Variants in STXBP5L observed in about 807,000 individuals in gnomAD.
STXBP5L encodes syntaxin binding protein 5L, also known as syntaxin-binding protein 5-like.
In STXBP5L, 65 loss-of-function variants were observed where a neutral mutation model predicts 144.5. The ratio of observed to expected loss-of-function variants is 0.45; its 90% CI spans 0.37 to 0.55. STXBP5L has a LOEUF of 0.55. Ranked by LOEUF, STXBP5L falls within the 20% of genes least tolerant of loss-of-function variation. STXBP5L has a pLI of 0.00. For synonymous variants in STXBP5L, 505 were observed against 469.6 expected, an observed-to-expected ratio of 1.08 and a Z score of -0.97; for missense variants, 1,298 against 1,405.5, an observed-to-expected ratio of 0.92 and a Z score of 1.22.
Position 121,017,678 on chromosome 3 carries a change from C to T in STXBP5L, c.288-24022C>T, listed in dbSNP as rs540988694. On this transcript the variant is annotated intron_variant, in intron 3 of 26. Transcript: ENST00000471454. ...AAAAACACAGTACCATTTACATTGG[C>T]ATCTAAAATAACTGAAATACTTATA... is the stretch of plus-strand genomic sequence containing the variant. 4.6e-5 allele frequency among the ~76,000 whole-genome samples: 7 copies of T among 152,254 alleles called. No homozygotes were observed. The South Asian group carries it at 1.5e-3, about 32-fold the overall frequency.
At chr3:121,245,103 TA>T (rs1300284108) in intron 14 of STXBP5L, among the ~76,000 whole-genome samples, 1 of 152,052 alleles carries the variant, frequency 6.6e-6, no homozygotes, top group African/African-American at 2.4e-5. Context: ...AATAACAACA[TA>T]AAAATTACTA....
chr3:121,084,347 G>C (rs2042388857), intron 5 of STXBP5L, among the ~76,000 whole-genome samples: 1 of 152,038 alleles, frequency 6.6e-6, no homozygotes, highest in African/African-American at 2.4e-5. Context: ...TATTTATCCT[G>C]ATGCTCTCCC....
intron 24 of STXBP5L, among the ~76,000 whole-genome samples, chr3:121,415,186 C>T (rs2047204874): frequency 6.6e-6 from 1 of 152,066 alleles, no homozygotes; most frequent in Non-Finnish European, 1.5e-5. Context: ...CTTTGGTCTG[C>T]TTTAGAAAAA....
intron 3 of STXBP5L, among the ~76,000 whole-genome samples, chr3:120,990,687 C>G (rs953745582): frequency 1.3e-5 from 2 of 152,170 alleles, no homozygotes; most frequent in Non-Finnish European, 2.9e-5. Context: ...ATATTTACAA[C>G]TATCTGATCT....
chr3:121,406,315 A>C (rs1259907532), intron 22 of STXBP5L, among the ~76,000 whole-genome samples: 1 of 152,078 alleles, frequency 6.6e-6, no homozygotes, highest in Admixed American at 6.6e-5. Flanking sequence ...TACTTTCTAA[A>C]TGAATATACT....
At chr3:121,413,462 T>C (rs2047165611) in intron 24 of STXBP5L, 139 bp downstream of exon 24, 1 of 725,792 alleles carries the variant, frequency 1.4e-6, no homozygotes, top group Non-Finnish European at 2.0e-6. Context: ...ATATTCTTCA[T>C]TTTGAGCCTA....
chr3:121,185,697 A>C (rs1032567841), intron 9 of STXBP5L, among the ~76,000 whole-genome samples: 1 of 152,164 alleles, frequency 6.6e-6, no homozygotes, highest in Non-Finnish European at 1.5e-5. Context: ...TTTGGTTACT[A>C]TAGCCTTGTA....
At chr3:121,387,531 G>A (rs1159652546) in intron 22 of STXBP5L, among the ~76,000 whole-genome samples, 1 of 152,140 alleles carries the variant, frequency 6.6e-6, no homozygotes, top group Non-Finnish European at 1.5e-5. Context: ...GGTTTTTATG[G>A]TTTTAGGTTT....
intron 3 of STXBP5L, among the ~76,000 whole-genome samples, chr3:121,007,191 A>C (rs1944393926): frequency 1.3e-5 from 2 of 152,136 alleles, no homozygotes; most frequent in African/African-American, 2.4e-5. Context: ...AAACTACATT[A>C]ATTTTGAATA....
chr3:121,302,953 T>C (rs1176086303), intron 19 of STXBP5L, among the ~76,000 whole-genome samples: 1 of 152,142 alleles, frequency 6.6e-6, no homozygotes, highest in Admixed American at 6.6e-5. Context: ...GGCAATACCA[T>C]TCAGGATATA....
intron 18 of STXBP5L, among the ~76,000 whole-genome samples, chr3:121,262,534 A>T (rs1438733862): frequency 6.6e-6 from 1 of 152,128 alleles, no homozygotes; most frequent in Non-Finnish European, 1.5e-5. Context: ...GGATACTGAG[A>T]ATCGCTTGAA....
At chr3:121,190,626 G>A (rs1317361851) in intron 9 of STXBP5L, among the ~76,000 whole-genome samples, 1 of 150,206 alleles carries the variant, frequency 6.7e-6, no homozygotes, top group Non-Finnish European at 1.5e-5. Context: ...CCCAGACGGG[G>A]CAGCCAGGCA....
At chr3:121,158,847 A>T (rs2108009496) in intron 9 of STXBP5L, 1 of 152,272 alleles carries the variant, frequency 6.6e-6, no homozygotes, top group South Asian at 2.1e-4. Flanking sequence ...TCTTTTGGCT[A>T]GACTGGACAT....
At chr3:120,932,233 G>A (rs1270501081) in intron 2 of STXBP5L, among the ~76,000 whole-genome samples, 1 of 152,102 alleles carries the variant, frequency 6.6e-6, no homozygotes, top group Non-Finnish European at 1.5e-5. Flanking sequence ...GCACATGATG[G>A]TATGAACTTG....
At chr3:121,190,568 G>C (rs1488388842) in intron 9 of STXBP5L, among the ~76,000 whole-genome samples, 2 of 152,172 alleles carry the variant, frequency 1.3e-5, no homozygotes, top group South Asian at 4.1e-4. Flanking sequence ...GAGCTGTTGG[G>C]TACACCTCCC....
intron 20 of STXBP5L, among the ~76,000 whole-genome samples, chr3:121,345,717 G>C (rs1168610644): frequency 6.6e-6 from 1 of 151,952 alleles, no homozygotes; most frequent in Non-Finnish European, 1.5e-5. Context: ...GGCATGAGAT[G>C]GTATCTCATT....
At chr3:121,014,255 T>C (rs2108157292) in intron 3 of STXBP5L, among the ~76,000 whole-genome samples, 1 of 152,212 alleles carries the variant, frequency 6.6e-6, no homozygotes, top group East Asian at 1.9e-4. Context: ...ATATTAATTC[T>C]TCCAATCCAT....
At chr3:121,174,842 T>C (rs893407075) in intron 9 of STXBP5L, among the ~76,000 whole-genome samples, 1 of 152,070 alleles carries the variant, frequency 6.6e-6, no homozygotes, top group African/African-American at 2.4e-5. Flanking sequence ...AAATGTCCTC[T>C]ATTTATTTTA....
At position 121,321,126 on chromosome 3, in the gene STXBP5L, A is replaced by G. The variant is rs72968075; in HGVS notation, c.2176+2586A>G. ...CTTGAGGCAGAAATGATGGATTGTG[A>G]TAAGATCCATTTGTCACTTCAATAC... On this transcript the variant is annotated intron_variant, in intron 20 of 26. Transcript: ENST00000471454. Among the ~76,000 whole-genome samples, 381 of 152,352 alleles carry G rather than the reference A, an allele frequency of 2.5e-3. 2 individuals are homozygous for G. The highest frequency in any genetic ancestry group is 8.6e-3 in the African/African-American group (358 of 41,592).
Sources: gnomAD v4.1 joint callset for allele counts (sites outside exome capture counted in the v4.1 genomes callset) on GRCh38, gnomAD v4.1.1 for gene constraint, MANE v1.5 for transcripts, NCBI Gene and HGNC (gene_info 2026-07-23, HGNC 2026-07-21) for gene names.